Variants in TFAP2A observed in about 807,000 individuals in gnomAD.
TFAP2A encodes the protein transcription factor AP-2 alpha.
Under a neutral mutation model 41.5 loss-of-function variants are expected in TFAP2A, and 7 were observed. The ratio of observed to expected loss-of-function variants is 0.17; its 90% CI spans 0.10 to 0.32. The LOEUF (loss-of-function observed/expected upper bound fraction) is 0.32, where lower values mean the gene tolerates loss of function less well. Among genes scored for constraint, TFAP2A ranks in the 10% least tolerant of loss-of-function variants. The pLI, the probability that TFAP2A is intolerant of heterozygous loss-of-function variation, is 1.00. For synonymous variants in TFAP2A, 247 were observed against 242.8 expected (o/e 1.02, Z -0.16); for missense variants, 416 against 563.3 (o/e 0.74, Z 2.65).
upstream of TFAP2A, chr6:10,416,120 A>G (rs533191698): frequency 6.6e-6 from 1 of 152,340 alleles, no homozygotes; most frequent in East Asian, 1.9e-4. Context: ...TGTGCCTGCA[A>G]GTCTAGATAC....
upstream of TFAP2A, among the ~76,000 whole-genome samples, chr6:10,417,474 C>T (rs1326670857): frequency 6.6e-6 from 1 of 152,230 alleles, no homozygotes; most frequent in African/African-American, 2.4e-5. Context: ...TTTATGCCAG[C>T]GTCATTACCA....
At chr6:10,401,618 C>A (rs762622695) in intron 5 of TFAP2A, among the ~76,000 whole-genome samples, 2 of 152,314 alleles carry the variant, frequency 1.3e-5, no homozygotes, top group East Asian at 1.9e-4. Context: ...AAAATGACTT[C>A]TTTAAATATA....
chr6:10,406,015 T>C (rs1362574453), intron 3 of TFAP2A: 5 of 152,166 alleles, frequency 3.3e-5, no homozygotes, highest in Non-Finnish European at 5.9e-5. Context: ...GCTAACAATA[T>C]ACTGATTGGG....
At chr6:10,400,003 G>A (rs1761948209) in intron 6 of TFAP2A, among the ~76,000 whole-genome samples, 1 of 152,044 alleles carries the variant, frequency 6.6e-6, no homozygotes, top group Admixed American at 6.5e-5. Flanking sequence ...GATTAGGGTT[G>A]AAACTAGGAC....
At chr6:10,412,651 C>A (rs1328207061) in intron 1 of TFAP2A, 3 of 320,110 alleles carry the variant, frequency 9.4e-6, no homozygotes, top group Non-Finnish European at 1.3e-5. Context: ...TGCTTGGGAC[C>A]GCGTCCGGGC....
chr6:10,413,126 C>T (rs1758073373), intron 1 of TFAP2A, among the ~76,000 whole-genome samples: 1 of 152,228 alleles, frequency 6.6e-6, no homozygotes, highest in Non-Finnish European at 1.5e-5. Context: ...TCAGAACAAG[C>T]GGCACCTCGC....
At chr6:10,409,650 C>A in intron 2 of TFAP2A, 1 of 528,296 alleles carries the variant, frequency 1.9e-6, no homozygotes, top group South Asian at 2.3e-5. Flanking sequence ...TCTGATTTAT[C>A]TGTGTTGGTG....
intron 1 of TFAP2A, chr6:10,414,469 G>C (rs1015255514): frequency 7.5e-6 from 2 of 265,476 alleles, no homozygotes; most frequent in African/African-American, 4.9e-5. Context: ...AAGAAAGAAT[G>C]AATGAATGAA....
intron 1 of TFAP2A, among the ~76,000 whole-genome samples, chr6:10,413,732 A>G (rs2613864): frequency 2.0e-5 from 3 of 152,204 alleles, no homozygotes; most frequent in Non-Finnish European, 4.4e-5. Context: ...CTTCAGAAAG[A>G]AAAGGGAGGA....
upstream of TFAP2A, chr6:10,418,521 C>T (rs1758321027): frequency 6.6e-6 from 1 of 152,260 alleles, no homozygotes; most frequent in Non-Finnish European, 1.5e-5. Flanking sequence ...ACAGGCAGAG[C>T]CTTTTACCGC....
chr6:10,412,008 C>T (rs1757992999), intron 1 of TFAP2A: 3 of 1,073,070 alleles, frequency 2.8e-6, no homozygotes, highest in South Asian at 6.0e-5. Flanking sequence ...GGGCAGCGTT[C>T]CTGGAGCCTC....
Position 10,398,777 on chromosome 6 carries a change from C to T in TFAP2A, c.1032-72G>A, listed in dbSNP as rs1761895482. 4.5e-6 allele frequency: 7 copies of T among 1,555,794 alleles called. No homozygotes were observed. In the South Asian group the frequency reaches 8.1e-5, roughly 18 times the overall value. On this transcript the variant is annotated intron_variant, in intron 6 of 6. Coordinates refer to ENST00000379613, the MANE Select transcript of TFAP2A (RefSeq NM_001372066.1). The surrounding 1 kb of genome is among the most constrained non-coding windows in gnomAD (Gnocchi z 5.3). Reference sequence around the variant, plus strand: ...GGCAGCACTAGCAGCAAAGAGAAAACCTCCCTCCCTGCAGCTACCTCTGCC... The same window carrying T: ...GGCAGCACTAGCAGCAAAGAGAAAATCTCCCTCCCTGCAGCTACCTCTGCC...
In TFAP2A at chr6:10,415,048, C is replaced by T; in HGVS notation, c.-57G>A. 2 of 1,613,912 alleles carry T rather than the reference C, an allele frequency of 1.2e-6. No individual in the cohort carries two copies. Among genetic ancestry groups the T allele is most frequent in the Non-Finnish European group, 1.7e-6 (2 of 1,179,942 alleles). On this transcript the variant is annotated 5_prime_UTR_variant, in exon 1 of 7. Transcript: ENST00000379613. The stretch of plus-strand genomic sequence containing the variant: ...TCTCGCACCCAAGTGGAGCTACTCT[C>T]TGGGTGAGCGCAAAGTGCTGGCTGC...
At chr6:10,411,808 A>C in intron 1 of TFAP2A, 1 of 1,438,568 alleles carries the variant, frequency 7.0e-7, no homozygotes, top group Non-Finnish European at 9.1e-7. Context: ...CGGCGCCTTC[A>C]GCTGGTCGAA....
intron 2 of TFAP2A, 31 bp from the exon 3 acceptor site, chr6:10,406,875 T>C (rs1295537937): frequency 6.4e-7 from 1 of 1,569,976 alleles, no homozygotes; most frequent in East Asian, 2.2e-5. Flanking sequence ...TGGATGTAAG[T>C]GTATCATCAA....
upstream of TFAP2A, among the ~76,000 whole-genome samples, chr6:10,417,943 C>A (rs1456226481): frequency 6.6e-6 from 1 of 152,222 alleles, no homozygotes; most frequent in Non-Finnish European, 1.5e-5. Flanking sequence ...CACCTTCTCA[C>A]GGCCTAGGAA....
chr6:10,419,603 G>A, upstream of TFAP2A: 1 of 923,414 alleles, frequency 1.1e-6, no homozygotes, highest in Non-Finnish European at 1.7e-6. Flanking sequence ...GCTACCTGCC[G>A]ACGCATGCGC....
chr6:10,406,681 T>G, intron 3 of TFAP2A, 112 bp downstream of exon 3: 2 of 942,268 alleles, frequency 2.1e-6, no homozygotes, highest in Non-Finnish European at 3.5e-6. Flanking sequence ...ATTTGCTAAT[T>G]CTGAGCCTTT....
chr6:10,411,644 G>A (rs1197829446), intron 1 of TFAP2A: 1 of 1,612,630 alleles, frequency 6.2e-7, no homozygotes, highest in East Asian at 2.2e-5. Context: ...AAACAAGCAA[G>A]CCTGGAGCGC....
Sources: allele counts gnomAD v4.1 joint callset (sites outside exome capture counted in the v4.1 genomes callset), GRCh38; gene constraint gnomAD v4.1.1; non-coding constraint Gnocchi (gnomAD v3.1); transcripts MANE v1.5; gene names NCBI Gene and HGNC (gene_info 2026-07-23, HGNC 2026-07-21).